Variants in COG1 observed in about 807,000 individuals in gnomAD.
The protein encoded by COG1 is component of oligomeric golgi complex 1, also known as conserved oligomeric Golgi complex subunit 1.
Under a neutral mutation model 102.2 loss-of-function variants are expected in COG1, and 61 were observed. The ratio of observed to expected loss-of-function variants is 0.60; its 90% CI spans 0.49 to 0.74. The LOEUF (loss-of-function observed/expected upper bound fraction) is 0.74, where lower values mean the gene tolerates loss of function less well. Among genes scored for constraint, COG1 ranks in the 30% least tolerant of loss-of-function variants. COG1 has a pLI of 0.00. For missense variants in COG1, 1,164 were observed against 1,232.1 expected, an observed-to-expected ratio of 0.94 and a Z score of 0.83; for synonymous variants, 454 against 493.6, an observed-to-expected ratio of 0.92 and a Z score of 1.06.
intron 1 of COG1, among the ~76,000 whole-genome samples, chr17:73,196,169 A>T (rs972394263): frequency 6.6e-6 from 1 of 152,164 alleles, no homozygotes; most frequent in Admixed American, 6.5e-5. Context: ...TGAGGCACTG[A>T]TCCATTTGCT....
chr17:73,205,188 A>G (rs2061363067), intron 9 of COG1: 1 of 298,994 alleles, frequency 3.3e-6, no homozygotes, highest in Admixed American at 4.8e-5. Context: ...ACAAACAAAC[A>G]AAAACCCAAG....
At chr17:73,207,369 C>CAT in intron 13 of COG1, 113 bp downstream of exon 13, 1 of 984,370 alleles carries the variant, frequency 1.0e-6, no homozygotes, top group Non-Finnish European at 1.6e-6. Flanking sequence ...ACAAAATGCA[C>CAT]TAATGCTGCT....
At chr17:73,207,991 C>T in intron 13 of COG1, 1 of 1,272,272 alleles carries the variant, frequency 7.9e-7, no homozygotes, top group African/African-American at 1.5e-5. Context: ...GGCTATGTTG[C>T]AGCCTCTTCC....
In COG1 at chr17:73,193,358, G is replaced by T; in HGVS notation, c.289G>T (p.Ala97Ser). 6.7e-7 allele frequency: 1 copy of T among 1,500,624 alleles called. No individual in the cohort carries two copies. 93.0% of individuals were successfully genotyped at this position (1,500,624 alleles called of 1,614,324 possible). ...CCGCCTCCGCCAGGCCGGCTCGGCCGCGCCCCGGCCACCGCGGGCCCAGCA... is the reference window on the plus strand; with the variant it reads ...CCGCCTCCGCCAGGCCGGCTCGGCCTCGCCCCGGCCACCGCGGGCCCAGCA... ...CARLRQAGSAAPRPPRAQQPQ... is the reference protein window; with the variant it reads ...CARLRQAGSASPRPPRAQQPQ... Residue 97 changes from alanine to serine, a missense_variant, in exon 1 of 14, where the codon GCG becomes TCG. Ala to Ser is a moderately conservative substitution (Grantham distance 99). Coordinates refer to ENST00000299886, the MANE Select transcript of COG1 (RefSeq NM_018714.3).
rs2061356652 is a variant in COG1 at position 73,203,740 on chromosome 17, A to G, written c.2329A>G (p.Met777Val). 6.2e-7 allele frequency: 1 copy of G among 1,614,114 alleles called. No individual in the cohort carries two copies. Among genetic ancestry groups the G allele is most frequent in the Admixed American group, 1.7e-5 (1 of 60,004 alleles). The stretch of plus-strand genomic sequence containing the variant: ...ATTACAGGAGATGCTGAAAAGCTGT[A>G]TGGTTCAAGTAGTAGCTGCCTATGA... ...VTLQEMLKSCMVQVVAAYEKL... is the reference protein window; with the variant it reads ...VTLQEMLKSCVVQVVAAYEKL... Residue 777 changes from methionine (M) to valine (V), a missense_variant, in exon 9 of 14, where the codon ATG (methionine) becomes GTG (valine). Met to Val is a conservative substitution (Grantham distance 21). Coordinates refer to ENST00000299886, the MANE Select transcript of COG1 (RefSeq NM_018714.3).
Position 73,206,764 on chromosome 17 carries a change from G to C in COG1, c.2676G>C (p.Thr892=). The C allele has an allele frequency of 6.2e-7, 1 of 1,613,040 alleles. No individual in the cohort carries two copies. The highest frequency in any genetic ancestry group is 8.5e-7 in the Non-Finnish European group (1 of 1,179,926). The change falls in exon 12 of 14, where the codon ACG becomes ACC. Residue 892 remains threonine, a synonymous_variant. Transcript: ENST00000299886. ...ATCAGCTCGCCCCCCGGAGCAGTACGTTCAACTCCCAAGAACCCCATAACA... is the reference window on the plus strand; with the variant it reads ...ATCAGCTCGCCCCCCGGAGCAGTACCTTCAACTCCCAAGAACCCCATAACA... The part of the protein sequence containing the change: ...TENQLAPRSS[T]FNSQEPHNIL...
intron 11 of COG1, 79 bp downstream of exon 11, chr17:73,206,341 T>A: frequency 9.1e-7 from 1 of 1,095,334 alleles, no homozygotes; most frequent in Non-Finnish European, 1.4e-6. Context: ...CTCAAGCACG[T>A]AATACTCCAG....
chr17:73,203,368 T>C (rs1377093591), intron 8 of COG1: 1 of 714,076 alleles, frequency 1.4e-6, no homozygotes, highest in Middle Eastern at 3.9e-4. Context: ...TCTGTGCTAA[T>C]TAGGGAACCA....
At position 73,193,280 on chromosome 17, in the gene COG1, C is replaced by G; in HGVS notation, c.211C>G (p.Arg71Gly). The stretch of plus-strand genomic sequence containing the variant: ...GGCCGACACCATCGGCCAGATGCGC[C>G]GCTGCGCCGTGGGGCTAGTGGACGC... ...EAADTIGQMR[R>G]CAVGLVDAVK... Residue 71 changes from arginine (R) to glycine (G), a missense_variant, in exon 1 of 14, where the codon CGC becomes GGC. Physicochemically the swap from Arg to Gly is moderately radical, Grantham distance 125. Coordinates refer to ENST00000299886, the MANE Select transcript of COG1 (RefSeq NM_018714.3). 6.2e-7 allele frequency: 1 copy of G among 1,603,000 alleles called. No individual in the cohort carries two copies. Among genetic ancestry groups the G allele is most frequent in the Non-Finnish European group, 8.5e-7 (1 of 1,176,028 alleles).
At chr17:73,208,290 A>C (rs2061393571) in intron 13 of COG1, 24 bp from the exon 14 acceptor site, 12 of 1,612,450 alleles carry the variant, frequency 7.4e-6, no homozygotes, top group Non-Finnish European at 9.3e-6. Context: ...ACTCTAAGGC[A>C]CTTTTCTCTA....
rs1235520182 is a variant in COG1 at position 73,201,348 on chromosome 17, A to C, written c.1521A>C (p.Ala507=). The C allele has an allele frequency of 1.9e-6, 3 of 1,614,098 alleles. No individual in the cohort carries two copies. The African/African-American group carries it at 4.0e-5, about 22-fold the overall frequency. Residue 507 remains alanine, a synonymous_variant, in exon 7 of 14, where the codon GCA becomes GCC. Coordinates refer to ENST00000299886, the MANE Select transcript of COG1 (RefSeq NM_018714.3). ...QFASSGLSMK[A]QAISPCVQNF... is the part of the protein sequence containing the mutation. ...CCAGTAGCGGCCTCTCCATGAAAGC[A>C]CAAGCCATCAGCCCTTGTGTACAGA...
At chr17:73,198,542 T>C (rs1160195643) in intron 4 of COG1, among the ~76,000 whole-genome samples, 1 of 152,170 alleles carries the variant, frequency 6.6e-6, no homozygotes, top group Non-Finnish European at 1.5e-5. Flanking sequence ...GCAGTGACTG[T>C]GCCACTGCTT....
rs757767354 is a variant in COG1, at chr17:73,203,775, C to T, written c.2364C>T (p.Ser788=). ...TAGTAGCTGCCTATGAGAAACTCTC[C>T]GAAGAAAAACAGATTAAGGTAGGTG... ...VQVVAAYEKL[S]EEKQIKKEGA... is the part of the protein sequence containing the mutation. The change falls in exon 9 of 14, where the codon TCC becomes TCT. Residue 788 remains serine (S), a synonymous_variant. Coordinates refer to ENST00000299886, the MANE Select transcript of COG1 (RefSeq NM_018714.3). The T allele has an allele frequency of 1.4e-5, 23 of 1,613,970 alleles. No individual in the cohort carries two copies. The highest frequency in any genetic ancestry group is 4.4e-5 in the South Asian group (4 of 91,084).
chr17:73,204,817 A>C (rs1599329988), intron 9 of COG1, among the ~76,000 whole-genome samples: 2 of 152,260 alleles, frequency 1.3e-5, no homozygotes, highest in South Asian at 4.1e-4. Flanking sequence ...TCGGCCTCCC[A>C]AAGTGCTGGG....
In COG1 at chr17:73,201,739, A is replaced by C. The variant is rs763484856; in HGVS notation, c.1912A>C (p.Ser638Arg). The change falls in exon 7 of 14, where the codon AGC becomes CGC. Residue 638 changes from serine (S) to arginine (R), a missense_variant. Transcript: ENST00000299886. ...GCAGTGCATCCTGGGAAAATCAGAGAGCTCAGAGAAACCAGCAAGGGAGTT... is the reference window on the plus strand; with the variant it reads ...GCAGTGCATCCTGGGAAAATCAGAGCGCTCAGAGAAACCAGCAAGGGAGTT... Reference protein sequence around the residue: ...LKQCILGKSESSEKPAREFRA... With the variant: ...LKQCILGKSERSEKPAREFRA... The C allele has an allele frequency of 1.4e-4, 227 of 1,614,068 alleles. 1 individual carries two copies. The highest frequency in any genetic ancestry group is 8.2e-4 in the East Asian group (37 of 44,880).
chr17:73,207,130 G>A, intron 12 of COG1, 51 bp from the exon 13 acceptor site: 2 of 1,387,280 alleles, frequency 1.4e-6, no homozygotes, highest in Non-Finnish European at 2.0e-6. Context: ...CTTCTGCTGG[G>A]CCCCAGAGCT....
chr17:73,201,811 C>T lies in COG1; in HGVS notation c.1984C>T (p.Pro662Ser), dbSNP rs1051030420. 1 of 1,614,168 alleles carries T rather than the reference C, an allele frequency of 6.2e-7. No individual in the cohort carries two copies. The change falls in exon 7 of 14, where the codon CCT becomes TCT. Residue 662 changes from proline to serine, a missense_variant. Pro to Ser is a moderately conservative substitution (Grantham distance 74, BLOSUM62 -1). Coordinates refer to ENST00000299886, the MANE Select transcript of COG1 (RefSeq NM_018714.3). ...AAAGGTGAAAACTCAGGAAATCATT[C>T]CTACACAGGCCAAGTGGCAAGAGGT... ...QGKVKTQEII[P>S]TQAKWQEVKE... is the part of the protein sequence containing the mutation.
chr17:73,206,857 G>C, intron 12 of COG1, 40 bp downstream of exon 12: 2 of 1,394,202 alleles, frequency 1.4e-6, no homozygotes, highest in East Asian at 2.3e-5. Flanking sequence ...CACTTCGGGA[G>C]GCCAAGGTGG....
rs757383278 is a variant in COG1, at chr17:73,193,104, G to A, written c.35G>A (p.Arg12Gln). 2 of 1,611,942 alleles carry A rather than the reference G, an allele frequency of 1.2e-6. No individual in the cohort carries two copies. The highest frequency in any genetic ancestry group is 2.2e-5 in the South Asian group (2 of 90,914). Residue 12 changes from arginine to glutamine, a missense_variant, in exon 1 of 14, where the codon CGG becomes CAG. Transcript: ENST00000299886. ...GCGGCAACCTCACCCGCGCTGAAGC[G>A]GCTGGATCTGCGCGACCCTGCGGCT... ...ATAATSPALKRLDLRDPAALF... is the reference protein window; with the variant it reads ...ATAATSPALKQLDLRDPAALF...
Sources: gnomAD v4.1 joint callset for allele counts (sites outside exome capture counted in the v4.1 genomes callset) on GRCh38, gnomAD v4.1.1 for gene constraint, MANE v1.5 for transcripts, NCBI Gene and HGNC (gene_info 2026-07-23, HGNC 2026-07-21) for gene names.